The following MROH9 variants were observed in gnomAD, a reference collection of about 807,000 sequenced individuals.
MROH9 encodes the protein maestro heat-like repeat-containing protein family member 9.
Under a neutral mutation model 98.2 loss-of-function variants are expected in MROH9, and 92 were observed. The ratio of observed to expected loss-of-function variants is 0.94; its 90% CI spans 0.79 to 1.11. The LOEUF (loss-of-function observed/expected upper bound fraction) is 1.11, where lower values mean the gene tolerates loss of function less well. Among genes scored for constraint, MROH9 ranks in the 50% most tolerant of loss-of-function variants. The pLI is 0.00. For synonymous variants in MROH9, 397 were observed against 368.9 expected, an observed-to-expected ratio of 1.08 and a Z score of -0.87; for missense variants, 1,057 against 1,014.8, an observed-to-expected ratio of 1.04 and a Z score of -0.57.
chr1:170,968,151 C>G (rs1005569700), intron 7 of MROH9, among the ~76,000 whole-genome samples: 2 of 151,968 alleles, frequency 1.3e-5, no homozygotes, highest in Non-Finnish European at 2.9e-5. Flanking sequence ...AGTAGTGTGC[C>G]CTGTAGAACC....
At chr1:171,050,859 G>C (rs1305326903) in intron 20 of MROH9, among the ~76,000 whole-genome samples, 1 of 152,094 alleles carries the variant, frequency 6.6e-6, no homozygotes, top group Non-Finnish European at 1.5e-5. Context: ...CTAGTTAAGG[G>C]TTTTTCTCAT....
At chr1:170,937,688 A>G (rs140114773) in intron 1 of MROH9, among the ~76,000 whole-genome samples, 2,438 of 150,622 alleles carry the variant, frequency 0.016, 34 homozygotes, top group South Asian at 0.04. Flanking sequence ...CGCCCGGCTA[A>G]TTTTTTTTGT....
At chr1:171,008,692 G>A (rs957604977) in intron 15 of MROH9, among the ~76,000 whole-genome samples, 2 of 152,186 alleles carry the variant, frequency 1.3e-5, no homozygotes, top group African/African-American at 4.8e-5. Flanking sequence ...GGAGTTTGAG[G>A]CTGTCGTGAG....
chr1:170,998,894 G>T, intron 15 of MROH9: 1 of 333,172 alleles, frequency 3.0e-6, no homozygotes. Context: ...AAACTTTGAG[G>T]TGATTTCAAA....
intron 3 of MROH9, among the ~76,000 whole-genome samples, chr1:170,951,009 G>C (rs1649532498): frequency 6.6e-6 from 1 of 151,874 alleles, no homozygotes; most frequent in Non-Finnish European, 1.5e-5. Flanking sequence ...TAGTGTGGGA[G>C]AGGGGTCCTA....
chr1:170,955,297 T>G (rs551761781), intron 3 of MROH9, among the ~76,000 whole-genome samples: 1 of 152,280 alleles, frequency 6.6e-6, no homozygotes, highest in East Asian at 1.9e-4. Context: ...CAGTTTCTTT[T>G]TCAAATAATG....
intron 17 of MROH9, among the ~76,000 whole-genome samples, chr1:171,024,178 T>C (rs892462888): frequency 3.9e-5 from 6 of 152,094 alleles, no homozygotes; most frequent in Non-Finnish European, 8.8e-5. Context: ...GGTAGGCAAA[T>C]ATTATTTTAA....
chr1:170,971,894 T>C lies in MROH9; in HGVS notation c.616+11T>C. 1 of 1,611,990 alleles carries C rather than the reference T, an allele frequency of 6.2e-7. No homozygotes were observed. The highest frequency in any genetic ancestry group is 8.5e-7 in the Non-Finnish European group (1 of 1,178,344). ...CACGGTGTCAGAACGGTAAGAACAG[T>C]TCACCATCTTTTCTCAGGATTACTA... On this transcript the variant is annotated intron_variant, in intron 8 of 21. Transcript: ENST00000367759.
intron 7 of MROH9, among the ~76,000 whole-genome samples, chr1:170,970,725 T>TGA (rs1557878679): frequency 2.3e-5 from 3 of 129,508 alleles, no homozygotes; most frequent in Non-Finnish European, 3.2e-5. Flanking sequence ...TGTGTGTGTG[T>TGA]GTGTGTGAGA....
At chr1:171,031,301 A>G (rs1318328936) in intron 20 of MROH9, among the ~76,000 whole-genome samples, 1 of 152,074 alleles carries the variant, frequency 6.6e-6, no homozygotes, top group African/African-American at 2.4e-5. Context: ...TAATATTTTT[A>G]TGTGTGAATT....
In MROH9 at chr1:171,026,207, G is replaced by A. The variant is rs188193077; in HGVS notation, c.2281+787G>A. ...GCAGAACACACACAGACACAGGCAC[G>A]TGCGCGCACACACACACACACCCTC... On this transcript the variant is annotated intron_variant, in intron 20 of 21. Coordinates refer to ENST00000367759, the MANE Select transcript of MROH9 (RefSeq NM_001163629.2). 3.3e-5 allele frequency among the ~76,000 whole-genome samples: 5 copies of A among 151,590 alleles called. No homozygotes were observed. The East Asian group carries it at 5.8e-4, about 18-fold the overall frequency.
At chr1:171,029,219 G>A (rs1333897421) in intron 20 of MROH9, among the ~76,000 whole-genome samples, 1 of 151,492 alleles carries the variant, frequency 6.6e-6, no homozygotes, top group Non-Finnish European at 1.5e-5. Flanking sequence ...TATTAAGAGG[G>A]TTTTGTTTTT....
At position 171,007,637 on chromosome 1, in the gene MROH9, G is replaced by A. The variant is rs769590773; in HGVS notation, c.1597-6480G>A. Among the ~76,000 whole-genome samples the A allele has an allele frequency of 2.6e-5, 4 of 152,324 alleles. No individual in the cohort carries two copies. In the Middle Eastern group the frequency reaches 0.01, roughly 389 times the overall value. On this transcript the variant is annotated intron_variant, in intron 15 of 21. Coordinates refer to ENST00000367759, the MANE Select transcript of MROH9 (RefSeq NM_001163629.2). ...TTCCGGGATCTGCTGTGGGACCAAA[G>A]TTAGCAGTCCAGCCTGCAAAATCAC... is the stretch of plus-strand genomic sequence containing the variant.
At chr1:171,007,070 T>A (rs900842973) in intron 15 of MROH9, among the ~76,000 whole-genome samples, 1 of 152,218 alleles carries the variant, frequency 6.6e-6, no homozygotes, top group African/African-American at 2.4e-5. Context: ...TTCTGTGTAT[T>A]TGAAAATGCA....
intron 20 of MROH9, among the ~76,000 whole-genome samples, chr1:171,039,190 AAC>A (rs1400528617): frequency 2.6e-5 from 4 of 152,220 alleles, no homozygotes; most frequent in Admixed American, 1.3e-4. Flanking sequence ...CTTTCAAAAA[AAC>A]AGTTTCCGTA....
intron 3 of MROH9, among the ~76,000 whole-genome samples, chr1:170,957,077 A>G (rs1050195306): frequency 7.4e-6 from 1 of 134,262 alleles, no homozygotes; most frequent in African/African-American, 2.7e-5. Flanking sequence ...TTAACCCCTT[A>G]TCTGATTTAT....
chr1:171,044,972 C>CTTTTTTTTTTTTTTTTTTTTTT lies in MROH9; in HGVS notation c.2282-17134_2282-17113dup, dbSNP rs754332732. 8.8e-4 allele frequency among the ~76,000 whole-genome samples: 40 copies of CTTTTTTTTTTTTTTTTTTTTTT among 45,710 alleles called. 13 individuals are homozygous for CTTTTTTTTTTTTTTTTTTTTTT. Among genetic ancestry groups the CTTTTTTTTTTTTTTTTTTTTTT allele is most frequent in the East Asian group, 3.8e-3 (4 of 1,066 alleles). The allele number at this position is 45,710 out of a possible 152,430, so 30.0% of individuals were successfully genotyped here. On this transcript the variant is annotated intron_variant, in intron 20 of 21. Transcript: ENST00000367759. ...CAATTCCATTTATTTCTGCTCTGAT[C>CTTTTTTTTTTTTTTTTTTTTTT]TTTTTTTTTTTTTTTTTTTTTTTTT... is the stretch of plus-strand genomic sequence containing the variant.
At chr1:171,048,871 C>G (rs1653558144) in intron 20 of MROH9, among the ~76,000 whole-genome samples, 1 of 152,270 alleles carries the variant, frequency 6.6e-6, no homozygotes, top group African/African-American at 2.4e-5. Flanking sequence ...GTAATGAATG[C>G]TGCCAGGACA....
intron 7 of MROH9, among the ~76,000 whole-genome samples, chr1:170,967,278 A>G (rs1650270356): frequency 6.6e-6 from 1 of 152,192 alleles, no homozygotes; most frequent in Non-Finnish European, 1.5e-5. Context: ...TTTCCAGAAC[A>G]TTGAAACTAG....
Sources: gnomAD v4.1 joint callset for allele counts (sites outside exome capture counted in the v4.1 genomes callset) on GRCh38, gnomAD v4.1.1 for gene constraint, MANE v1.5 for transcripts, NCBI Gene and HGNC (gene_info 2026-07-23, HGNC 2026-07-21) for gene names.